The following AKR1C2 variants were observed in gnomAD, a reference collection of about 807,000 sequenced individuals.
AKR1C2 encodes 3-alpha-HSD3.
A neutral mutation model predicts 39.8 loss-of-function variants in AKR1C2; 27 were observed. The ratio of observed to expected loss-of-function variants is 0.68; its 90% CI spans 0.50 to 0.93. The LOEUF (loss-of-function observed/expected upper bound fraction) is 0.93, where lower values mean the gene tolerates loss of function less well. Ranked by LOEUF, AKR1C2 falls within the 40% of genes least tolerant of loss-of-function variation. The probability of loss-of-function intolerance (pLI) is 0.00; values close to 1 mark genes in which losing one functional copy is unlikely to be tolerated. For missense variants in AKR1C2, 263 were observed against 365.1 expected (o/e 0.72, Z 2.28); for synonymous variants, 114 against 137.9 (o/e 0.83, Z 1.22).
In AKR1C2 at chr10:4,994,237, A is replaced by G. The variant is rs1300896924; in HGVS notation, c.846+1082T>C. 8.1e-5 allele frequency among the ~76,000 whole-genome samples: 12 copies of G among 148,884 alleles called. No homozygotes were observed. The Admixed American group carries it at 8.2e-4, about 10-fold the overall frequency. On this transcript the variant is annotated intron_variant, in intron 7 of 8. Transcript: ENST00000380753. ...GGATGTTAATTCTTTAGAGACTTGT[A>G]TGAATTCTTGAGAATATATGAAATA...
At chr10:5,012,019 T>C (rs1837534008) in intron 1 of AKR1C2, among the ~76,000 whole-genome samples, 1 of 152,096 alleles carries the variant, frequency 6.6e-6, no homozygotes, top group Admixed American at 6.6e-5. Flanking sequence ...GTTCTCTGCA[T>C]GTACAGCGAA....
At chr10:5,002,105 C>T (rs367950089) in intron 1 of AKR1C2, among the ~76,000 whole-genome samples, 12 of 152,196 alleles carry the variant, frequency 7.9e-5, no homozygotes, top group Non-Finnish European at 1.2e-4. Context: ...TTGCACAGAG[C>T]GCACTGACTT....
At chr10:5,007,242 G>A (rs1256401470), upstream of AKR1C2, among the ~76,000 whole-genome samples, 4 of 140,386 alleles carry the variant, frequency 2.8e-5, no homozygotes, top group African/African-American at 5.1e-5. Flanking sequence ...AAGACCTCTC[G>A]TAAAGGTAGG....
chr10:4,999,273 C>T lies in AKR1C2; in HGVS notation c.374G>A (p.Gly125Asp), dbSNP rs1554773553. 6.3e-6 allele frequency: 10 copies of T among 1,599,778 alleles called. No individual in the cohort carries two copies. The highest frequency in any genetic ancestry group is 1.7e-5 in the Admixed American group (1 of 58,054). ...TTCATCTTTTGGGATCACTTCCTCA[C>T]CTGGCTGAAGTAGAAGCAGTCAGTT... ...LIHFPVSVKP[G>D]EEVIPKDENG... The change falls in exon 4 of 9, where the codon GGT (glycine) becomes GAT (aspartate). Residue 125 changes from glycine (G) to aspartate (D), a missense_variant. By Grantham distance (94) the Gly-to-Asp change is moderately conservative. Transcript: ENST00000380753.
At chr10:5,009,492 T>C (rs1233165452) in intron 1 of AKR1C2, among the ~76,000 whole-genome samples, 3 of 151,818 alleles carry the variant, frequency 2.0e-5, no homozygotes, top group Admixed American at 1.3e-4. Context: ...GTATTAATAT[T>C]ATAGTTGTTT....
chr10:5,011,430 A>G (rs1269436285), intron 1 of AKR1C2, among the ~76,000 whole-genome samples: 1 of 152,266 alleles, frequency 6.6e-6, no homozygotes, highest in Non-Finnish European at 1.5e-5. Context: ...TTAATTTTAT[A>G]CAAATCCAAA....
rs2131703931 is a variant in AKR1C2, at chr10:5,001,620, A to T, written c.146T>A (p.Ile49Asn). 3 of 1,614,024 alleles carry T rather than the reference A, an allele frequency of 1.9e-6. No individual in the cohort carries two copies. The highest frequency in any genetic ancestry group is 2.7e-5 in the African/African-American group (2 of 75,040). ...KLAIEAGFHH[I>N]DSAHVYNNEE... ...ATTATTGTAAACATGTGCAGAATCAATATGGTGGAACCCGGCTTCTATTGC... is the reference window on the plus strand; with the variant it reads ...ATTATTGTAAACATGTGCAGAATCATTATGGTGGAACCCGGCTTCTATTGC... Residue 49 changes from isoleucine (I) to asparagine (N), a missense_variant, in exon 2 of 9, where the codon ATT becomes AAT. Ile to Asn is a moderately radical substitution (Grantham distance 149). Around this residue, in one of 3 missense-constraint regions of AKR1C2, gnomAD observed 247 missense variants for 267.9 expected, o/e 0.92. Coordinates refer to ENST00000380753, the MANE Select transcript of AKR1C2 (RefSeq NM_001393392.1).
intron 8 of AKR1C2, among the ~76,000 whole-genome samples, chr10:4,991,023 T>G: frequency 6.6e-6 from 1 of 151,370 alleles, no homozygotes; most frequent in East Asian, 1.9e-4. Context: ...TCCACTGCCA[T>G]CAGTTACATA....
At chr10:5,005,264 C>T (rs367711917), upstream of AKR1C2, among the ~76,000 whole-genome samples, 281 of 152,312 alleles carry the variant, frequency 1.8e-3, 1 homozygote, top group African/African-American at 6.3e-3. Context: ...TTGAGTTTTA[C>T]GTAGGGCTGA....
At chr10:5,007,183 T>G (rs1837424225), upstream of AKR1C2, among the ~76,000 whole-genome samples, 1 of 146,312 alleles carries the variant, frequency 6.8e-6, no homozygotes, top group Non-Finnish European at 1.5e-5. Flanking sequence ...GTCATTCACT[T>G]TGAAATGAAA....
At position 4,988,197 on chromosome 10, in the gene AKR1C2, T is replaced by A. The variant is rs541973210; in HGVS notation, c.*1799A>T. On this transcript the variant is annotated 3_prime_UTR_variant, in exon 9 of 9. Coordinates refer to ENST00000380753, the MANE Select transcript of AKR1C2 (RefSeq NM_001393392.1). ...CGTTACACACTTGGCTACGAAGTTT[T>A]AACAAAATGTCAATCTTTTCTTGAC... 3 of 152,346 alleles carry A rather than the reference T, an allele frequency of 2.0e-5. No homozygotes were observed. The South Asian group carries it at 6.2e-4, about 32-fold the overall frequency. 9.4% of individuals were successfully genotyped at this position (152,346 alleles called of 1,614,324 possible). A position where few individuals can be genotyped will look rare whatever the true frequency, so the allele number is the denominator to read the frequency against.
intron 1 of AKR1C2, among the ~76,000 whole-genome samples, chr10:5,003,258 C>A (rs1233931319): frequency 8.2e-5 from 12 of 146,310 alleles, no homozygotes; most frequent in African/African-American, 2.8e-4. Flanking sequence ...GGTAATTTTC[C>A]CAGAGGTGAG....
chr10:5,008,888 G>A (rs1837462703), upstream of AKR1C2, among the ~76,000 whole-genome samples: 1 of 152,206 alleles, frequency 6.6e-6, no homozygotes, highest in African/African-American at 2.4e-5. Flanking sequence ...GAGATTTCCT[G>A]TTTGGTTGAC....
chr10:4,994,632 G>C (rs1196179115), intron 7 of AKR1C2, among the ~76,000 whole-genome samples: 1 of 151,854 alleles, frequency 6.6e-6, no homozygotes, highest in Non-Finnish European at 1.5e-5. Flanking sequence ...GGGAGAGGGG[G>C]GCACTCACAC....
intron 1 of AKR1C2, among the ~76,000 whole-genome samples, chr10:5,013,155 T>A (rs1267068535): frequency 2.0e-5 from 3 of 152,186 alleles, no homozygotes; most frequent in Admixed American, 6.5e-5. Context: ...TGAGTTTACC[T>A]ATATAACAAA....
intron 1 of AKR1C2, among the ~76,000 whole-genome samples, chr10:5,002,262 A>G (rs1394340542): frequency 1.3e-5 from 2 of 152,230 alleles, no homozygotes; most frequent in African/African-American, 4.8e-5. Context: ...TCCAAAAGCA[A>G]AGCAGGTGCA....
chr10:5,001,972 A>G (rs1361953534), intron 1 of AKR1C2, among the ~76,000 whole-genome samples: 4 of 152,246 alleles, frequency 2.6e-5, no homozygotes, highest in Non-Finnish European at 2.9e-5. Flanking sequence ...ACAGGACGCA[A>G]CTATAGTTAC....
At chr10:5,008,246 A>T (rs1453234564), upstream of AKR1C2, among the ~76,000 whole-genome samples, 1 of 139,008 alleles carries the variant, frequency 7.2e-6, no homozygotes, top group Non-Finnish European at 1.6e-5. Flanking sequence ...GCCTAAATAA[A>T]AGCTTTATGT....
intron 1 of AKR1C2, among the ~76,000 whole-genome samples, chr10:5,014,457 A>G (rs1554775186): frequency 6.6e-6 from 1 of 152,064 alleles, no homozygotes; most frequent in African/African-American, 2.4e-5. Flanking sequence ...AATGCATGCT[A>G]TCATGTGTAT....
Sources: gnomAD v4.1 joint callset for allele counts (sites outside exome capture counted in the v4.1 genomes callset) on GRCh38, gnomAD v4.1.1 for gene constraint, gnomAD v4.1.1 regional missense constraint, MANE v1.5 for transcripts, NCBI Gene and HGNC (gene_info 2026-07-23, HGNC 2026-07-21) for gene names.